PGCKA1: variants seen among roughly 807,000 people sequenced by gnomAD.
PGCKA1 encodes the protein PDCD10 and GCKIII kinases associated 1.
chr4:37,509,586 C>T, the PGCKA1 span, among the ~76,000 whole-genome samples: 5 of 151,980 alleles, frequency 3.3e-5, no homozygotes, highest in East Asian at 1.9e-4. Context: ...GCTGCAATCT[C>T]GGCACTTTGG....
At chr4:37,460,011 G>A in the PGCKA1 span, among the ~76,000 whole-genome samples, 3 of 151,794 alleles carry the variant, frequency 2.0e-5, no homozygotes, top group Middle Eastern at 3.2e-3. Context: ...CTACAGCCCC[G>A]GTGTGTGTTG....
the PGCKA1 span, among the ~76,000 whole-genome samples, chr4:37,483,908 A>G: frequency 6.6e-6 from 1 of 152,126 alleles, no homozygotes; most frequent in Non-Finnish European, 1.5e-5. Context: ...ACCACCCTCC[A>G]CTCAGAATGT....
the PGCKA1 span, among the ~76,000 whole-genome samples, chr4:37,479,215 C>T: frequency 6.6e-6 from 1 of 152,190 alleles, no homozygotes; most frequent in Non-Finnish European, 1.5e-5. Context: ...AATTAAACAT[C>T]TAATTTCATC....
At chr4:37,501,434 G>T in the PGCKA1 span, among the ~76,000 whole-genome samples, 1 of 152,018 alleles carries the variant, frequency 6.6e-6, no homozygotes, top group Non-Finnish European at 1.5e-5. Context: ...TCTAACTAAT[G>T]CCTGATAACG....
chr4:37,493,026 G>A, the PGCKA1 span, among the ~76,000 whole-genome samples: 1 of 152,114 alleles, frequency 6.6e-6, no homozygotes, highest in Non-Finnish European at 1.5e-5. Context: ...GTGTGTGTAT[G>A]TGTGTATGTA....
chr4:37,530,010 G>T, the PGCKA1 span, among the ~76,000 whole-genome samples: 1 of 151,958 alleles, frequency 6.6e-6, no homozygotes, highest in Non-Finnish European at 1.5e-5. Context: ...AAAGAAGTGG[G>T]GTAGGTAAAG....
the PGCKA1 span, among the ~76,000 whole-genome samples, chr4:37,523,909 C>T: frequency 6.6e-6 from 1 of 152,114 alleles, no homozygotes; most frequent in Admixed American, 6.6e-5. Context: ...GGGCATTAAT[C>T]CATCATGGGA....
chr4:37,509,781 C>A, the PGCKA1 span, among the ~76,000 whole-genome samples: 1 of 151,692 alleles, frequency 6.6e-6, no homozygotes, highest in Admixed American at 6.6e-5. Context: ...GCCAACACAG[C>A]GAAACCCCGT....
At chr4:37,587,542 T>C in the PGCKA1 span, among the ~76,000 whole-genome samples, 2 of 152,124 alleles carry the variant, frequency 1.3e-5, no homozygotes, top group African/African-American at 4.8e-5. Context: ...AATTCACCTA[T>C]GATTGAAAGA....
At chr4:37,590,871 G>T in the PGCKA1 span, 1 of 1,614,248 alleles carries the variant, frequency 6.2e-7, no homozygotes, top group East Asian at 2.2e-5. Context: ...CAGGAAACAG[G>T]CAGGAGGATA....
At chr4:37,536,958 G>A in the PGCKA1 span, among the ~76,000 whole-genome samples, 9 of 152,214 alleles carry the variant, frequency 5.9e-5, no homozygotes, top group African/African-American at 9.6e-5. Context: ...TGGTGGCATG[G>A]CTGGCCAGCT....
chr4:37,566,507 C>T, the PGCKA1 span, among the ~76,000 whole-genome samples: 195 of 152,260 alleles, frequency 1.3e-3, no homozygotes, highest in Non-Finnish European at 1.7e-3. Context: ...TCTCGAACTC[C>T]CGACCTCAAG....
chr4:37,521,259 T>G, the PGCKA1 span, among the ~76,000 whole-genome samples: 1 of 152,182 alleles, frequency 6.6e-6, no homozygotes, highest in African/African-American at 2.4e-5. Context: ...TCTCTTGTGG[T>G]CTAGGTGCCA....
the PGCKA1 span, among the ~76,000 whole-genome samples, chr4:37,561,363 A>G: frequency 6.6e-6 from 1 of 152,230 alleles, no homozygotes; most frequent in Non-Finnish European, 1.5e-5. Flanking sequence ...TCAAAAAATG[A>G]ATTAAATAAA....
chr4:37,516,181 C>T, the PGCKA1 span, among the ~76,000 whole-genome samples: 1 of 152,202 alleles, frequency 6.6e-6, no homozygotes, highest in Non-Finnish European at 1.5e-5. Flanking sequence ...GCCGTAAAGG[C>T]TAAAGGAAGA....
the PGCKA1 span, among the ~76,000 whole-genome samples, chr4:37,480,516 A>C: frequency 6.6e-6 from 1 of 151,766 alleles, no homozygotes; most frequent in Non-Finnish European, 1.5e-5. Flanking sequence ...ACAAACAAAA[A>C]AAACTGAGAG....
the PGCKA1 span, among the ~76,000 whole-genome samples, chr4:37,513,016 A>T: frequency 2.0e-5 from 3 of 151,670 alleles, no homozygotes; most frequent in African/African-American, 2.4e-5. Flanking sequence ...TGAACCTGGG[A>T]GGCGGAGATT....
At chr4:37,538,768 T>C in the PGCKA1 span, among the ~76,000 whole-genome samples, 1 of 152,322 alleles carries the variant, frequency 6.6e-6, no homozygotes, top group East Asian at 1.9e-4. Context: ...CCAGGTCCCA[T>C]AGGTTACTTA....
the PGCKA1 span, among the ~76,000 whole-genome samples, chr4:37,508,793 G>A: frequency 8.2e-3 from 1,233 of 149,716 alleles, 7 homozygotes; most frequent in African/African-American, 0.029. Context: ...AGTGAACAAG[G>A]GTCTCTGGTT....
Sources: gnomAD v4.1 joint callset for allele counts (sites outside exome capture counted in the v4.1 genomes callset) on GRCh38, gnomAD v4.1.1 for gene constraint, MANE v1.5 for transcripts, NCBI Gene and HGNC (gene_info 2026-07-23, HGNC 2026-07-21) for gene names.